The following TP73 variants were observed in gnomAD, a reference collection of about 807,000 sequenced individuals.
TP73 encodes the protein tumor protein p73.
TP73 carries 25 observed loss-of-function variants against 62.5 expected under a neutral mutation model. The observed-to-expected ratio is 0.40, with a 90% CI of 0.29 to 0.56. The LOEUF (loss-of-function observed/expected upper bound fraction) is 0.56, where lower values mean the gene tolerates loss of function less well. TP73 is among the 20% of genes least tolerant of loss of function. The pLI, the probability that TP73 is intolerant of heterozygous loss-of-function variation, is 0.46. For synonymous variants in TP73, 423 were observed against 377.5 expected (o/e 1.12, Z -1.40); for missense variants, 754 against 913.3 (o/e 0.83, Z 2.25).
chr1:3,699,229 G>A lies in TP73; in HGVS notation c.187-8320G>A, dbSNP rs1302860337. 6.6e-6 allele frequency among the ~76,000 whole-genome samples: 1 copy of A among 152,162 alleles called. No individual in the cohort carries two copies. The highest frequency in any genetic ancestry group is 1.5e-5 in the Non-Finnish European group (1 of 68,010). On this transcript the variant is annotated intron_variant, in intron 3 of 13. Transcript: ENST00000378295. This position sits in a 1 kb window ranked among gnomAD's most constrained non-coding sequence, Gnocchi z 4.1. ...ATGCTGTGGGAAGTACCGGCAGGAC[G>A]GAGGTCTTGCCCTGGTGGGATGGGC...
chr1:3,724,303 CTG>C (rs1366698447), intron 6 of TP73, among the ~76,000 whole-genome samples: 1 of 152,024 alleles, frequency 6.6e-6, no homozygotes, highest in African/African-American at 2.4e-5. Flanking sequence ...TCTGCCTTCC[CTG>C]TACCTGGTTC....
At chr1:3,720,750 G>A (rs942511610) in intron 4 of TP73, among the ~76,000 whole-genome samples, 3 of 152,240 alleles carry the variant, frequency 2.0e-5, no homozygotes, top group African/African-American at 7.2e-5. Context: ...GTCCCTTGAT[G>A]GCCAGAGAGG....
At chr1:3,731,100 T>G in intron 12 of TP73, 35 bp downstream of exon 12, 1 of 1,597,692 alleles carries the variant, frequency 6.3e-7, no homozygotes, top group South Asian at 1.1e-5. Flanking sequence ...GCATGTGCTG[T>G]CACCCTGTCT....
At chr1:3,681,673 C>G (rs1645524316) in intron 1 of TP73, among the ~76,000 whole-genome samples, 1 of 152,170 alleles carries the variant, frequency 6.6e-6, no homozygotes, top group East Asian at 1.9e-4. Flanking sequence ...GCGTCTGTGT[C>G]CTGCAGCAGT....
At chr1:3,721,078 G>C (rs535508936) in intron 4 of TP73, among the ~76,000 whole-genome samples, 4 of 152,360 alleles carry the variant, frequency 2.6e-5, no homozygotes, top group African/African-American at 9.6e-5. Context: ...ACTCCCAGCA[G>C]GTGACCAGGA....
At chr1:3,718,467 C>T (rs567767393) in intron 4 of TP73, among the ~76,000 whole-genome samples, 1 of 152,090 alleles carries the variant, frequency 6.6e-6, no homozygotes, top group Non-Finnish European at 1.5e-5. Flanking sequence ...CCTAGGTCTG[C>T]GAAATGGGAG....
intron 3 of TP73, among the ~76,000 whole-genome samples, chr1:3,684,996 C>T (rs1645617689): frequency 6.6e-6 from 1 of 152,174 alleles, no homozygotes; most frequent in Non-Finnish European, 1.5e-5. Context: ...AGGTCCCCTT[C>T]TGGACATCCG....
At chr1:3,703,583 A>G (rs974294781) in intron 3 of TP73, among the ~76,000 whole-genome samples, 8 of 152,272 alleles carry the variant, frequency 5.3e-5, no homozygotes, top group South Asian at 2.1e-4. Flanking sequence ...TCTTGCCTCA[A>G]TGACTAATTC....
At chr1:3,683,727 C>T (rs1417051944) in intron 3 of TP73, among the ~76,000 whole-genome samples, 9 of 152,366 alleles carry the variant, frequency 5.9e-5, no homozygotes, top group Middle Eastern at 3.4e-3. Flanking sequence ...TCCAGCAGTC[C>T]TGCCTCCCGT....
chr1:3,707,964 A>G (rs1462483723), intron 4 of TP73, 173 bp downstream of exon 4: 9 of 1,098,310 alleles, frequency 8.2e-6, no homozygotes, highest in Non-Finnish European at 1.1e-5. Context: ...AGGGCCGGGC[A>G]GTCTGGGTGT....
At chr1:3,661,887 T>C (rs1161845226) in intron 1 of TP73, among the ~76,000 whole-genome samples, 1 of 148,766 alleles carries the variant, frequency 6.7e-6, no homozygotes, top group East Asian at 1.9e-4. Flanking sequence ...TTTTATTTTA[T>C]TTTTTATTTT....
At chr1:3,681,431 A>G (rs1645517939) in intron 1 of TP73, among the ~76,000 whole-genome samples, 1 of 152,148 alleles carries the variant, frequency 6.6e-6, no homozygotes, top group Non-Finnish European at 1.5e-5. Flanking sequence ...ATGGGTGTCC[A>G]GGGCCACTGG....
At chr1:3,689,781 G>A (rs1001613109) in intron 3 of TP73, among the ~76,000 whole-genome samples, 1 of 152,114 alleles carries the variant, frequency 6.6e-6, no homozygotes, top group East Asian at 1.9e-4. Flanking sequence ...CTCAGCCCTC[G>A]TGAGAGCCAC....
chr1:3,697,732 G>A (rs1233188288), intron 3 of TP73, among the ~76,000 whole-genome samples: 1 of 152,254 alleles, frequency 6.6e-6, no homozygotes, highest in Non-Finnish European at 1.5e-5. Flanking sequence ...CAAGGCCAGT[G>A]CACTGGGCGG....
intron 1 of TP73, among the ~76,000 whole-genome samples, chr1:3,680,150 C>G (rs760552729): frequency 6.6e-6 from 1 of 152,202 alleles, no homozygotes; most frequent in Non-Finnish European, 1.5e-5. Flanking sequence ...TGGGAGGGGA[C>G]AGCTCACAGG....
At chr1:3,693,827 C>T (rs1304299507) in intron 3 of TP73, among the ~76,000 whole-genome samples, 12 of 89,818 alleles carry the variant, frequency 1.3e-4, no homozygotes, top group Non-Finnish European at 1.7e-4. Context: ...CCCCTCCTCC[C>T]GCAATCCCAG....
intron 1 of TP73, among the ~76,000 whole-genome samples, chr1:3,665,609 G>T (rs577163641): frequency 7.5e-4 from 113 of 151,500 alleles, no homozygotes; most frequent in African/African-American, 2.7e-3. Flanking sequence ...TTCGTATTTT[G>T]AAGTTTCATA....
intron 9 of TP73, among the ~76,000 whole-genome samples, chr1:3,728,718 T>G (rs1641875179): frequency 6.6e-6 from 1 of 152,248 alleles, no homozygotes; most frequent in Non-Finnish European, 1.5e-5. Context: ...CTCATGCCTG[T>G]AATCCCGGCA....
chr1:3,669,395 G>A (rs1383853502), intron 1 of TP73, among the ~76,000 whole-genome samples: 1 of 152,238 alleles, frequency 6.6e-6, no homozygotes, highest in Admixed American at 6.5e-5. Context: ...TCTGCCCCAA[G>A]TGGCACATCA....
Sources: gnomAD v4.1 joint callset for allele counts (sites outside exome capture counted in the v4.1 genomes callset) on GRCh38, gnomAD v4.1.1 for gene constraint, Gnocchi (gnomAD v3.1) non-coding constraint, MANE v1.5 for transcripts, NCBI Gene and HGNC (gene_info 2026-07-23, HGNC 2026-07-21) for gene names.